Variants in CEMIP2 observed in about 807,000 individuals in gnomAD.
The protein encoded by CEMIP2 is cell migration inducing hyaluronidase 2, also known as cell surface hyaluronidase CEMIP2.
Under a neutral mutation model 146.9 loss-of-function variants are expected in CEMIP2, and 79 were observed. The observed-to-expected ratio is 0.54, with a 90% CI of 0.45 to 0.65. CEMIP2 has a LOEUF of 0.65. Ranked by LOEUF, CEMIP2 falls within the 30% of genes least tolerant of loss-of-function variation. CEMIP2 has a pLI of 0.00. For synonymous variants in CEMIP2, 601 were observed against 606.3 expected (o/e 0.99, Z 0.13); for missense variants, 1,596 against 1,696.2 (o/e 0.94, Z 1.04).
intron 14 of CEMIP2, among the ~76,000 whole-genome samples, chr9:71,716,257 TAAATCGCAAGTGTTTTCTTCTAAGCAGAA>T (rs1302592604): frequency 6.6e-6 from 1 of 152,126 alleles, no homozygotes; most frequent in African/African-American, 2.4e-5. Context: ...AACTTTAGTC[TAAATCGCAAGTGTTTTCTTCTAAGCAGAA>T]ATTATCCTTC....
Position 71,690,132 on chromosome 9 carries a change from T to C in CEMIP2, c.3811A>G (p.Ser1271Gly). The C allele has an allele frequency of 5.0e-6, 8 of 1,614,184 alleles. No homozygotes were observed. Among genetic ancestry groups the C allele is most frequent in the South Asian group, 1.1e-5 (1 of 91,084 alleles). Residue 1271 changes from serine to glycine, a missense_variant, in exon 22 of 24, where the codon AGT (serine) becomes GGT (glycine). Ser to Gly is a moderately conservative substitution (Grantham distance 56). Transcript: ENST00000377044. Reference protein sequence around the residue: ...EKTVFPLADVSRIEEYLKTGI... With the variant: ...EKTVFPLADVGRIEEYLKTGI... ...GTTTTTAAATACTCTTCAATGCGAC[T>C]GACATCAGCAAGAGGAAAAACCGTT...
chr9:71,753,468 T>A (rs961673482), intron 1 of CEMIP2, among the ~76,000 whole-genome samples: 1 of 152,142 alleles, frequency 6.6e-6, no homozygotes, highest in African/African-American at 2.4e-5. Context: ...AAATCAAAAA[T>A]AAGCATGGTC....
chr9:71,717,962 G>A lies in CEMIP2; in HGVS notation c.2385C>T (p.Ile795=), dbSNP rs760234695. The A allele has an allele frequency of 5.8e-5, 93 of 1,605,068 alleles. No individual in the cohort carries two copies. The highest frequency in any genetic ancestry group is 1.7e-4 in the Middle Eastern group (1 of 5,780). The change falls in exon 13 of 24, where the codon ATC becomes ATT. Residue 795 remains isoleucine, a synonymous_variant. Transcript: ENST00000377044. ...AGAATACCCACGCTGAATTTTGAAC[G>A]ATAATATCTCCTCCTCTGACCCAAG... ...NGAWVRGGDI[I]VQNSAFADNG...
At position 71,685,253 on chromosome 9, in the gene CEMIP2, T is replaced by C; in HGVS notation, c.4096A>G (p.Thr1366Ala). The C allele has an allele frequency of 6.2e-7, 1 of 1,613,610 alleles. No individual in the cohort carries two copies. Among genetic ancestry groups the C allele is most frequent in the Non-Finnish European group, 8.5e-7 (1 of 1,179,864 alleles). Residue 1366 changes from threonine to alanine, a missense_variant, in exon 24 of 24, where the codon ACC becomes GCC. Physicochemically the swap from Thr to Ala is moderately conservative, Grantham distance 58. Transcript: ENST00000377044. ...TCCAGGTCTCTTCTGCGGACAGTGGTGGCTCTGGGACAACCATATTCGTCC... is the reference window on the plus strand; with the variant it reads ...TCCAGGTCTCTTCTGCGGACAGTGGCGGCTCTGGGACAACCATATTCGTCC... ...QLDEYGCPRA[T>A]TVRRRDLELL... is the part of the protein sequence containing the mutation.
intron 3 of CEMIP2, 121 bp from the exon 4 acceptor site, chr9:71,745,700 G>T: frequency 2.0e-6 from 2 of 994,820 alleles, no homozygotes; most frequent in Non-Finnish European, 2.9e-6. Context: ...AATTCGCTAA[G>T]AATCTGCTTA....
chr9:71,759,889 A>G (rs1460530390), intron 1 of CEMIP2, among the ~76,000 whole-genome samples: 1 of 151,974 alleles, frequency 6.6e-6, no homozygotes, highest in Non-Finnish European at 1.5e-5. Context: ...CTCTCCAGGA[A>G]CTTTTTGATC....
intron 22 of CEMIP2, chr9:71,686,243 G>C (rs181370712): frequency 2.7e-4 from 48 of 175,694 alleles, no homozygotes; most frequent in Admixed American, 2.1e-3. Flanking sequence ...TCCGCCTCCT[G>C]TCAGGTCAGC....
At chr9:71,693,108 G>A (rs1204938695) in intron 21 of CEMIP2, among the ~76,000 whole-genome samples, 2 of 152,128 alleles carry the variant, frequency 1.3e-5, no homozygotes, top group Non-Finnish European at 2.9e-5. Context: ...TAAAGTTTAT[G>A]TGTACTTTAT....
chr9:71,688,196 A>G (rs953854559), intron 22 of CEMIP2, among the ~76,000 whole-genome samples: 1 of 152,050 alleles, frequency 6.6e-6, no homozygotes, highest in African/African-American at 2.4e-5. Flanking sequence ...TTCAAGAACA[A>G]ATCAGTGTTT....
rs1198174165 is a variant in CEMIP2 at position 71,712,162 on chromosome 9, C to T, written c.2690G>A (p.Ser897Asn). Residue 897 changes from serine to asparagine, a missense_variant, in exon 16 of 24, where the codon AGT becomes AAT. By Grantham distance (46) the Ser-to-Asn change is conservative. Coordinates refer to ENST00000377044, the MANE Select transcript of CEMIP2 (RefSeq NM_013390.3). ...ATTCTTCATGAGGAAGCCAATTGCA[C>T]TGCTGTACCTATCTGGAGTTGGCAC... is the stretch of plus-strand genomic sequence containing the variant. ...KYVPTPDRYSSAIGFLMKNSW... is the reference protein window; with the variant it reads ...KYVPTPDRYSNAIGFLMKNSW... The T allele has an allele frequency of 6.2e-6, 10 of 1,614,186 alleles. No individual in the cohort carries two copies. The highest frequency in any genetic ancestry group is 8.5e-6 in the Non-Finnish European group (10 of 1,180,028).
chr9:71,726,603 T>A (rs181595261), intron 10 of CEMIP2, among the ~76,000 whole-genome samples: 229 of 152,260 alleles, frequency 1.5e-3, no homozygotes, highest in African/African-American at 5.3e-3. Flanking sequence ...AAATATAATA[T>A]ACCTAATAAG....
chr9:71,754,430 T>G (rs1824359305), intron 1 of CEMIP2, among the ~76,000 whole-genome samples: 1 of 152,216 alleles, frequency 6.6e-6, no homozygotes, highest in Non-Finnish European at 1.5e-5. Context: ...ACCATTTTAA[T>G]AATTTCGCTA....
chr9:71,690,306 C>T (rs1822191837), intron 21 of CEMIP2, 60 bp from the exon 22 acceptor site: 4 of 1,574,482 alleles, frequency 2.5e-6, no homozygotes, highest in Non-Finnish European at 3.5e-6. Context: ...TGCAGGATGA[C>T]TCATTTTTCC....
At chr9:71,755,186 CTT>C (rs34989743) in intron 1 of CEMIP2, among the ~76,000 whole-genome samples, 96 of 127,682 alleles carry the variant, frequency 7.5e-4, no homozygotes, top group Non-Finnish European at 7.8e-4. Flanking sequence ...GGAAATCATG[CTT>C]TTTTTTTTTT....
At chr9:71,764,741 C>T (rs748563615) in intron 1 of CEMIP2, among the ~76,000 whole-genome samples, 1 of 152,124 alleles carries the variant, frequency 6.6e-6, no homozygotes, top group Non-Finnish European at 1.5e-5. Context: ...GGGCTTAAGT[C>T]CATTTCAAGT....
chr9:71,732,340 C>T lies in CEMIP2; in HGVS notation c.1563+11G>A, dbSNP rs767308418. On this transcript the variant is annotated intron_variant, in intron 7 of 23. Transcript: ENST00000377044. ...AGGATTTCAAAGAAATAATCAAATC[C>T]TTTTGCCTACCATAATGTGTCCCCC... 3.8e-6 allele frequency: 6 copies of T among 1,579,378 alleles called. No individual in the cohort carries two copies. The Admixed American group carries it at 5.9e-5, about 15-fold the overall frequency.
chr9:71,689,151 A>G (rs771881531), intron 22 of CEMIP2, among the ~76,000 whole-genome samples: 4 of 152,210 alleles, frequency 2.6e-5, no homozygotes, highest in Non-Finnish European at 5.9e-5. Flanking sequence ...AAATCCTGCA[A>G]GAAAATTGAG....
At chr9:71,724,124 G>A (rs1823317582) in intron 11 of CEMIP2, among the ~76,000 whole-genome samples, 1 of 151,926 alleles carries the variant, frequency 6.6e-6, no homozygotes, top group Non-Finnish European at 1.5e-5. Context: ...GTGAAACCCT[G>A]TCTCTACTAA....
chr9:71,762,301 G>A (rs1168326857), intron 1 of CEMIP2, among the ~76,000 whole-genome samples: 1 of 152,036 alleles, frequency 6.6e-6, no homozygotes, highest in African/African-American at 2.4e-5. Context: ...GTGGCAGCTG[G>A]ACTTCACTTA....
Sources: allele counts gnomAD v4.1 joint callset (sites outside exome capture counted in the v4.1 genomes callset), GRCh38; gene constraint gnomAD v4.1.1; transcripts MANE v1.5; gene names NCBI Gene and HGNC (gene_info 2026-07-23, HGNC 2026-07-21).